Variants in RBMS1 observed in about 807,000 individuals in gnomAD.
The protein encoded by RBMS1 is RNA binding motif single stranded interacting protein 1, also known as RNA-binding motif, single-stranded-interacting protein 1.
A neutral mutation model predicts 62.3 loss-of-function variants in RBMS1; 17 were observed. The observed-to-expected ratio is 0.27, with a 90% CI of 0.19 to 0.41. The LOEUF is 0.41. Among genes scored for constraint, RBMS1 ranks in the 10% least tolerant of loss-of-function variants. The probability of loss-of-function intolerance (pLI) is 1.00; values close to 1 mark genes in which losing one functional copy is unlikely to be tolerated. For synonymous variants in RBMS1, 172 were observed against 170.0 expected (o/e 1.01, Z -0.09); for missense variants, 334 against 504.5 (o/e 0.66, Z 3.24).
At chr2:160,282,296 C>A (rs1266846805) in intron 9 of RBMS1, 1 of 1,367,872 alleles carries the variant, frequency 7.3e-7, no homozygotes, top group East Asian at 4.5e-5. Context: ...CTCTGGTTTC[C>A]TTTGCCACCT....
chr2:160,487,254 C>T (rs1022241925), intron 1 of RBMS1, among the ~76,000 whole-genome samples: 2 of 152,206 alleles, frequency 1.3e-5, no homozygotes, highest in Non-Finnish European at 2.9e-5. Context: ...GCACTTTTCA[C>T]TTTCTTGCAA....
At chr2:160,365,648 C>A (rs1693356399) in intron 2 of RBMS1, among the ~76,000 whole-genome samples, 1 of 152,196 alleles carries the variant, frequency 6.6e-6, no homozygotes, top group Non-Finnish European at 1.5e-5. Context: ...CATAATTCAA[C>A]ACTAGCTGAA....
chr2:160,278,895 A>C, intron 10 of RBMS1: 1 of 402,250 alleles, frequency 2.5e-6, no homozygotes, highest in Non-Finnish European at 4.5e-6. Context: ...CTTCACAACA[A>C]TCCCTGTATT....
In RBMS1 at chr2:160,281,626, G is replaced by C. The variant is rs1021841093; in HGVS notation, c.901-262C>G. The C allele has an allele frequency of 1.2e-5, 4 of 336,668 alleles. No individual in the cohort carries two copies. In the South Asian group the frequency reaches 2.1e-4, roughly 18 times the overall value. 20.9% of individuals were successfully genotyped at this position (336,668 alleles called of 1,614,324 possible). A position where few individuals can be genotyped will look rare whatever the true frequency, so the allele number is the denominator to read the frequency against. On this transcript the variant is annotated intron_variant, in intron 9 of 13. Transcript: ENST00000348849. ...TATCAGGCAACAAAGAGAAAAAGGC[G>C]AAACAGACTGGGCCCCACCCTCAAG...
chr2:160,376,161 C>T (rs1379807831), intron 1 of RBMS1, among the ~76,000 whole-genome samples: 1 of 152,140 alleles, frequency 6.6e-6, no homozygotes, highest in Non-Finnish European at 1.5e-5. Context: ...ACTTTCTCCA[C>T]ATTAAACAAA....
At chr2:160,315,288 GCTGT>G (rs1187613637) in intron 3 of RBMS1, among the ~76,000 whole-genome samples, 14 of 152,110 alleles carry the variant, frequency 9.2e-5, no homozygotes, top group African/African-American at 2.9e-4. Flanking sequence ...GCTCTTTCAT[GCTGT>G]CTATCTGTAT....
chr2:160,451,272 G>C (rs1448390715), intron 1 of RBMS1, among the ~76,000 whole-genome samples: 1 of 152,064 alleles, frequency 6.6e-6, no homozygotes, highest in South Asian at 2.1e-4. Flanking sequence ...TTATCTGCTT[G>C]TGTTAAACCA....
At chr2:160,473,210 G>T (rs1044723098) in intron 1 of RBMS1, among the ~76,000 whole-genome samples, 1 of 152,108 alleles carries the variant, frequency 6.6e-6, no homozygotes, top group South Asian at 2.1e-4. Context: ...CTAATGTTGC[G>T]CTCTAAGGTT....
intron 1 of RBMS1, among the ~76,000 whole-genome samples, chr2:160,408,162 C>G (rs1207440708): frequency 6.6e-6 from 1 of 151,956 alleles, no homozygotes; most frequent in South Asian, 2.1e-4. Flanking sequence ...GCCAACCCCC[C>G]TCCTCTGTTC....
chr2:160,276,327 G>C (rs372864929), intron 12 of RBMS1, among the ~76,000 whole-genome samples: 24 of 151,994 alleles, frequency 1.6e-4, no homozygotes, highest in African/African-American at 5.3e-4. Flanking sequence ...ACAAACAGAA[G>C]TAAAATACTA....
chr2:160,418,833 A>G (rs764087486), intron 1 of RBMS1, among the ~76,000 whole-genome samples: 1 of 152,216 alleles, frequency 6.6e-6, no homozygotes, highest in Non-Finnish European at 1.5e-5. Context: ...GTCATCTAAT[A>G]AGAATTATTA....
rs765383198 is a variant in RBMS1 at position 160,277,322 on chromosome 2, G to A, written c.1124C>T (p.Thr375Met). The A allele has an allele frequency of 1.6e-5, 25 of 1,612,544 alleles. No individual in the cohort carries two copies. Among genetic ancestry groups the A allele is most frequent in the South Asian group, 1.1e-4 (10 of 91,028 alleles). ...ACCAACCTCAACAGGAACCGCTGTC[G>A]TCTGCATATGTGCATACTGTGGCAA... The part of the protein sequence containing the change: ...AYLPQYAHMQ[T>M]TAVPVEEASG... Residue 375 changes from threonine to methionine, a missense_variant, in exon 12 of 14, where the codon ACG becomes ATG. Thr to Met is a moderately conservative substitution (Grantham distance 81). Coordinates refer to ENST00000348849, the MANE Select transcript of RBMS1 (RefSeq NM_016836.4).
chr2:160,461,575 G>A (rs968484965), intron 1 of RBMS1, among the ~76,000 whole-genome samples: 1 of 152,178 alleles, frequency 6.6e-6, no homozygotes, highest in Non-Finnish European at 1.5e-5. Context: ...GCGGTTGGCT[G>A]GTCCAGCTTC....
intron 4 of RBMS1, among the ~76,000 whole-genome samples, chr2:160,307,361 GAAAAAAAAA>G (rs762396045): frequency 3.5e-5 from 3 of 85,790 alleles, no homozygotes; most frequent in Non-Finnish European, 6.8e-5. Context: ...CCTATTTATT[GAAAAAAAAA>G]AAAAAAAAAA....
intron 1 of RBMS1, among the ~76,000 whole-genome samples, chr2:160,379,762 A>G (rs889484787): frequency 6.6e-6 from 1 of 152,214 alleles, no homozygotes; most frequent in Non-Finnish European, 1.5e-5. Flanking sequence ...TTCTGTTGCT[A>G]AAGCTAATCA....
intron 1 of RBMS1, among the ~76,000 whole-genome samples, chr2:160,438,831 C>G (rs954141998): frequency 4.8e-5 from 7 of 146,950 alleles, no homozygotes; most frequent in Non-Finnish European, 9.1e-5. Flanking sequence ...TCCCAGTAGG[C>G]GCGGCCGGGC....
At chr2:160,285,849 C>T (rs989020701) in intron 7 of RBMS1, among the ~76,000 whole-genome samples, 3 of 152,000 alleles carry the variant, frequency 2.0e-5, no homozygotes, top group African/African-American at 7.2e-5. Flanking sequence ...CGATGGTTCA[C>T]GCCTGTAATC....
intron 2 of RBMS1, among the ~76,000 whole-genome samples, chr2:160,346,467 C>A (rs968881413): frequency 1.3e-5 from 2 of 151,936 alleles, no homozygotes; most frequent in Non-Finnish European, 2.9e-5. Context: ...AAAATAGAGA[C>A]AAATCACAGA....
chr2:160,334,756 T>G (rs1691474862), intron 2 of RBMS1, among the ~76,000 whole-genome samples: 1 of 152,034 alleles, frequency 6.6e-6, no homozygotes, highest in Non-Finnish European at 1.5e-5. Context: ...ACAGAAAAAG[T>G]TCAACCTAAA....
Sources: gnomAD v4.1 joint callset for allele counts (sites outside exome capture counted in the v4.1 genomes callset) on GRCh38, gnomAD v4.1.1 for gene constraint, MANE v1.5 for transcripts, NCBI Gene and HGNC (gene_info 2026-07-23, HGNC 2026-07-21) for gene names.